Variants in LMNTD1 observed in about 807,000 individuals in gnomAD.
The protein encoded by LMNTD1 is lamin tail domain containing 1, also known as lamin tail domain-containing protein 1.
LMNTD1 carries 35 observed loss-of-function variants against 50.9 expected under a neutral mutation model. That is an observed-to-expected ratio of 0.69 (90% CI 0.53 to 0.91). The LOEUF is 0.91. LMNTD1 is among the 40% of genes least tolerant of loss of function. The pLI, the probability that LMNTD1 is intolerant of heterozygous loss-of-function variation, is 0.00. For synonymous variants in LMNTD1, 153 were observed against 161.9 expected (o/e 0.94, Z 0.42); for missense variants, 470 against 475.5 (o/e 0.99, Z 0.11).
At chr12:25,632,664 A>T (rs748225263) in intron 1 of LMNTD1, among the ~76,000 whole-genome samples, 14 of 152,208 alleles carry the variant, frequency 9.2e-5, no homozygotes, top group Admixed American at 3.9e-4. Context: ...TCTTCAAATG[A>T]ATCCTGGAAA....
intron 1 of LMNTD1, among the ~76,000 whole-genome samples, chr12:25,608,415 TTCTTCCTAGCA>T (rs143089878): frequency 0.016 from 2,362 of 152,340 alleles, 59 homozygotes; most frequent in African/African-American, 0.054. Flanking sequence ...TTTATGCAGC[TTCTTCCTAGCA>T]TCGATGGTCT....
intron 1 of LMNTD1, among the ~76,000 whole-genome samples, chr12:25,590,868 A>C (rs1383038686): frequency 6.6e-6 from 1 of 152,148 alleles, no homozygotes; most frequent in Non-Finnish European, 1.5e-5. Context: ...TAATCCTGGA[A>C]AAATTCATCA....
intron 6 of LMNTD1, among the ~76,000 whole-genome samples, chr12:25,520,425 C>T (rs906623896): frequency 6.6e-6 from 1 of 151,996 alleles, no homozygotes; most frequent in Non-Finnish European, 1.5e-5. Flanking sequence ...TATTCTCTTT[C>T]TCTGTATGTT....
At chr12:25,590,339 G>A (rs77753960) in intron 1 of LMNTD1, among the ~76,000 whole-genome samples, 1,991 of 152,272 alleles carry the variant, frequency 0.013, 35 homozygotes, top group African/African-American at 0.046. Flanking sequence ...TGCCCACCAT[G>A]GAGAGAGCAA....
In LMNTD1 at chr12:25,525,976, A is replaced by T. The variant is rs139534666; in HGVS notation, c.798+123T>A. On this transcript the variant is annotated intron_variant, in intron 6 of 9. Transcript: ENST00000458174. ...AAAATAATCTTTTAGGCATAAAGTC[A>T]ATTTTACTGACATTTATGCACTTAG... is the stretch of plus-strand genomic sequence containing the variant. 7.1e-3 allele frequency: 4,250 copies of T among 600,378 alleles called. 30 individuals carry two copies. Among genetic ancestry groups the T allele is most frequent in the African/African-American group, 0.023 (1,192 of 51,748 alleles). The allele number at this position is 600,378 out of a possible 1,614,324, so 37.2% of individuals were successfully genotyped here. A position where few individuals can be genotyped will look rare whatever the true frequency, so the allele number is the denominator to read the frequency against.
Position 25,546,428 on chromosome 12 carries a change from T to G in LMNTD1, c.437A>C (p.Lys146Thr), listed in dbSNP as rs1048729578. ...KLTAHSNYTQKTLKYFSMILE... is the reference protein window; with the variant it reads ...KLTAHSNYTQTTLKYFSMILE... ...AATCATAGAAAAGTATTTTAAAGTTTTCTGAGTGTAGTTTGAGTGTGCTGT... is the reference window on the plus strand; with the variant it reads ...AATCATAGAAAAGTATTTTAAAGTTGTCTGAGTGTAGTTTGAGTGTGCTGT... Residue 146 changes from lysine (K) to threonine (T), a missense_variant, in exon 4 of 10, where the codon AAA becomes ACA. Transcript: ENST00000458174. 1 of 1,597,528 alleles carries G rather than the reference T, an allele frequency of 6.3e-7. No individual in the cohort carries two copies. The highest frequency in any genetic ancestry group is 1.3e-5 in the African/African-American group (1 of 74,082).
At chr12:25,610,056 C>T (rs938673374) in intron 1 of LMNTD1, among the ~76,000 whole-genome samples, 4 of 152,292 alleles carry the variant, frequency 2.6e-5, no homozygotes, top group East Asian at 3.9e-4. Context: ...CAATGGCGGA[C>T]GCCCCTTCCC....
At chr12:25,546,223 T>G in intron 4 of LMNTD1, 151 bp downstream of exon 4, 1 of 401,756 alleles carries the variant, frequency 2.5e-6, no homozygotes, top group Non-Finnish European at 4.3e-6. Flanking sequence ...TTATTTTAAT[T>G]GCTCAGAAGA....
At chr12:25,642,118 C>G (rs928827040) in intron 1 of LMNTD1, among the ~76,000 whole-genome samples, 2 of 152,052 alleles carry the variant, frequency 1.3e-5, no homozygotes, top group Non-Finnish European at 1.5e-5. Flanking sequence ...ATTTAGATGC[C>G]ATTTACAAAA....
chr12:25,581,364 A>C (rs1945279431), intron 1 of LMNTD1, among the ~76,000 whole-genome samples: 1 of 152,224 alleles, frequency 6.6e-6, no homozygotes, highest in Non-Finnish European at 1.5e-5. Flanking sequence ...AGGAGCAACA[A>C]GGTAATGTAG....
intron 4 of LMNTD1, among the ~76,000 whole-genome samples, chr12:25,545,699 C>T (rs185180262): frequency 6.6e-6 from 1 of 151,566 alleles, no homozygotes; most frequent in Admixed American, 6.6e-5. Context: ...AGGTATTCTC[C>T]ACTGTTAAAT....
chr12:25,516,887 A>G (rs2136016473), intron 8 of LMNTD1, among the ~76,000 whole-genome samples: 1 of 151,878 alleles, frequency 6.6e-6, no homozygotes, highest in East Asian at 1.9e-4. Flanking sequence ...GCCATCAAAA[A>G]GTGGGCGAAG....
chr12:25,586,053 T>C (rs1362499064), intron 1 of LMNTD1: 1 of 152,248 alleles, frequency 6.6e-6, no homozygotes, highest in Non-Finnish European at 1.5e-5. Context: ...TTCTATGTCA[T>C]TTGGATGTTG....
intron 1 of LMNTD1, among the ~76,000 whole-genome samples, chr12:25,616,092 T>A (rs1424774022): frequency 8.3e-6 from 1 of 120,888 alleles, no homozygotes; most frequent in Non-Finnish European, 1.7e-5. Context: ...GACACACACA[T>A]AACACACACA....
At chr12:25,516,252 G>A (rs1678555) in intron 8 of LMNTD1, among the ~76,000 whole-genome samples, 97,701 of 152,034 alleles carry the variant, frequency 0.64, 33,753 homozygotes, top group Non-Finnish European at 0.78. Flanking sequence ...GTTATGTAAC[G>A]ATGTATAAAG....
intron 6 of LMNTD1, among the ~76,000 whole-genome samples, chr12:25,525,855 A>G (rs1436133787): frequency 6.6e-6 from 1 of 152,124 alleles, no homozygotes; most frequent in Non-Finnish European, 1.5e-5. Context: ...GTGCTCTTCC[A>G]TTTGACAACA....
chr12:25,635,876 A>G (rs1946822716), intron 1 of LMNTD1, among the ~76,000 whole-genome samples: 1 of 152,200 alleles, frequency 6.6e-6, no homozygotes. Context: ...AAAAACATAA[A>G]TTGGAGAAAG....
At chr12:25,513,832 C>A (rs999734330) in intron 8 of LMNTD1, among the ~76,000 whole-genome samples, 1 of 152,180 alleles carries the variant, frequency 6.6e-6, no homozygotes, top group East Asian at 1.9e-4. Flanking sequence ...AATCAATACA[C>A]CTGCCTGGGT....
chr12:25,629,196 T>C (rs1946660598), intron 1 of LMNTD1, among the ~76,000 whole-genome samples: 3 of 152,232 alleles, frequency 2.0e-5, no homozygotes, highest in African/African-American at 7.2e-5. Context: ...GAGGTTCTAC[T>C]GGGTATGGCC....
Sources: gnomAD v4.1 joint callset for allele counts (sites outside exome capture counted in the v4.1 genomes callset) on GRCh38, gnomAD v4.1.1 for gene constraint, MANE v1.5 for transcripts, NCBI Gene and HGNC (gene_info 2026-07-23, HGNC 2026-07-21) for gene names.